SOBP: variants seen among roughly 807,000 people sequenced by gnomAD.
The protein encoded by SOBP is sine oculis binding protein homolog, also known as sine oculis-binding protein homolog.
Under a neutral mutation model 53.6 loss-of-function variants are expected in SOBP, and 4 were observed. That is an observed-to-expected ratio of 0.07 (90% CI 0.04 to 0.17). SOBP has a LOEUF of 0.17. SOBP is among the 10% of genes least tolerant of loss of function. The probability of loss-of-function intolerance (pLI) is 1.00; values close to 1 mark genes in which losing one functional copy is unlikely to be tolerated. For missense variants in SOBP, 1,088 were observed against 1,204.7 expected (o/e 0.90, Z 1.43); for synonymous variants, 584 against 522.6 (o/e 1.12, Z -1.60).
intron 3 of SOBP, among the ~76,000 whole-genome samples, chr6:107,525,661 C>G (rs1372111995): frequency 6.6e-6 from 1 of 152,222 alleles, no homozygotes; most frequent in Non-Finnish European, 1.5e-5. Flanking sequence ...TCATCTCATT[C>G]TTAAATCTGT....
chr6:107,621,507 A>C (rs953117383), intron 5 of SOBP, among the ~76,000 whole-genome samples: 1 of 152,238 alleles, frequency 6.6e-6, no homozygotes, highest in Non-Finnish European at 1.5e-5. Flanking sequence ...GCAGTCCAGC[A>C]CATCCCTCCC....
intron 5 of SOBP, among the ~76,000 whole-genome samples, chr6:107,627,811 G>T (rs879573903): frequency 1.3e-5 from 2 of 152,070 alleles, no homozygotes; most frequent in Non-Finnish European, 2.9e-5. Flanking sequence ...TCTCAATTCC[G>T]TATGGCTTTG....
chr6:107,561,623 A>T (rs971466774), intron 4 of SOBP, among the ~76,000 whole-genome samples: 21 of 152,302 alleles, frequency 1.4e-4, no homozygotes, highest in African/African-American at 5.1e-4. Flanking sequence ...GGGAGCTCTG[A>T]TATAATAAAG....
At chr6:107,574,011 G>T (rs1313375030) in intron 4 of SOBP, among the ~76,000 whole-genome samples, 1 of 152,162 alleles carries the variant, frequency 6.6e-6, no homozygotes. Context: ...TGCTCAATAA[G>T]TGGAGAACAG....
chr6:107,633,348 T>C (rs933208983), intron 5 of SOBP, among the ~76,000 whole-genome samples, 166 bp from the exon 6 acceptor site: 1 of 152,228 alleles, frequency 6.6e-6, no homozygotes, highest in Admixed American at 6.5e-5. Context: ...AGCCAACCCA[T>C]CATTTTACAA....
At chr6:107,539,680 G>A (rs141203090) in intron 4 of SOBP, among the ~76,000 whole-genome samples, 27 of 152,310 alleles carry the variant, frequency 1.8e-4, no homozygotes, top group African/African-American at 6.0e-4. Flanking sequence ...CCGACTGTCT[G>A]TTTGGGCAGT....
chr6:107,573,091 C>T (rs554375766), intron 4 of SOBP, among the ~76,000 whole-genome samples: 2 of 152,064 alleles, frequency 1.3e-5, no homozygotes, highest in South Asian at 4.2e-4. Flanking sequence ...TTTGAGGGAG[C>T]GAAATGGATA....
chr6:107,632,331 C>T (rs561995139), intron 5 of SOBP, among the ~76,000 whole-genome samples: 4 of 148,578 alleles, frequency 2.7e-5, no homozygotes, highest in Non-Finnish European at 5.9e-5. Context: ...GGCCCCCCCC[C>T]AAAAAAAAGG....
In SOBP at chr6:107,656,884, A is replaced by AT. The variant is rs79477353; in HGVS notation, c.*4-1322dup. Among the ~76,000 whole-genome samples, 85 of 152,342 alleles carry AT rather than the reference A, an allele frequency of 5.6e-4. 1 individual carries two copies. The East Asian group carries it at 0.015, about 27-fold the overall frequency. ...TTATTTGTTCATTGTTCTAAGAATA[A>AT]TCTCAACAGTTGTAAAGATGTTTAC... On this transcript the variant is annotated intron_variant, in intron 6 of 6. Coordinates refer to ENST00000317357, the MANE Select transcript of SOBP (RefSeq NM_018013.4).
At chr6:107,597,818 A>C (rs1201904471) in intron 5 of SOBP, among the ~76,000 whole-genome samples, 1 of 152,184 alleles carries the variant, frequency 6.6e-6, no homozygotes, top group East Asian at 1.9e-4. Flanking sequence ...CGAGGGATAT[A>C]TTCTCCCTGG....
intron 3 of SOBP, among the ~76,000 whole-genome samples, chr6:107,522,987 T>C (rs941648342): frequency 6.6e-6 from 1 of 151,826 alleles, no homozygotes; most frequent in South Asian, 2.1e-4. Flanking sequence ...GGAACTGAGG[T>C]GGGAAACGCA....
intron 2 of SOBP, among the ~76,000 whole-genome samples, chr6:107,505,047 T>C (rs899076717): frequency 2.0e-5 from 3 of 152,238 alleles, no homozygotes; most frequent in African/African-American, 7.2e-5. Flanking sequence ...AAGGATACGA[T>C]GCACAAAGCT....
chr6:107,653,015 G>A (rs1004502239), intron 6 of SOBP, among the ~76,000 whole-genome samples: 2 of 152,104 alleles, frequency 1.3e-5, no homozygotes, highest in African/African-American at 4.8e-5. Context: ...TTGCTTTATT[G>A]CAATGCTCAC....
chr6:107,526,392 C>A (rs1783664279), intron 3 of SOBP, among the ~76,000 whole-genome samples: 1 of 152,144 alleles, frequency 6.6e-6, no homozygotes, highest in African/African-American at 2.4e-5. Context: ...ATCTACTTTT[C>A]CCTTCACACA....
At chr6:107,631,045 G>A (rs1054365428) in intron 5 of SOBP, among the ~76,000 whole-genome samples, 6 of 152,140 alleles carry the variant, frequency 3.9e-5, no homozygotes, top group African/African-American at 1.4e-4. Flanking sequence ...AGTGAAGGAA[G>A]GGAAGGGAGA....
intron 3 of SOBP, among the ~76,000 whole-genome samples, chr6:107,513,647 A>C (rs1583160864): frequency 6.6e-6 from 1 of 152,000 alleles, no homozygotes; most frequent in Non-Finnish European, 1.5e-5. Context: ...CAACTTTTAA[A>C]ATATGATTAT....
intron 5 of SOBP, among the ~76,000 whole-genome samples, chr6:107,631,592 G>A (rs1770717177): frequency 2.6e-5 from 4 of 152,138 alleles, no homozygotes; most frequent in Admixed American, 2.6e-4. Flanking sequence ...TTTGTAAACT[G>A]GGCATCTCAA....
At chr6:107,621,803 C>T (rs1018589925) in intron 5 of SOBP, among the ~76,000 whole-genome samples, 1 of 152,116 alleles carries the variant, frequency 6.6e-6, no homozygotes, top group African/African-American at 2.4e-5. Flanking sequence ...CAGCCTGGCC[C>T]AAAAACCTCC....
In SOBP at chr6:107,506,345, C is replaced by T. The variant is rs1296663364; in HGVS notation, c.339C>T (p.Asp113=). ...TTGCCACTGGAAATGGACTCAGTGACTCACCTGCAGGGTCAAAGGATCATG... is the reference window on the plus strand; with the variant it reads ...TTGCCACTGGAAATGGACTCAGTGATTCACCTGCAGGGTCAAAGGATCATG... ...SGLATGNGLS[D]SPAGSKDHGS... is the part of the protein sequence containing the mutation. The change falls in exon 3 of 7, where the codon GAC becomes GAT. Residue 113 remains aspartate, a synonymous_variant. Coordinates refer to ENST00000317357, the MANE Select transcript of SOBP (RefSeq NM_018013.4). 7 of 1,614,062 alleles carry T rather than the reference C, an allele frequency of 4.3e-6. No homozygotes were observed. The highest frequency in any genetic ancestry group is 1.7e-5 in the Admixed American group (1 of 60,002).
Sources: gnomAD v4.1 joint callset for allele counts (sites outside exome capture counted in the v4.1 genomes callset) on GRCh38, gnomAD v4.1.1 for gene constraint, MANE v1.5 for transcripts, NCBI Gene and HGNC (gene_info 2026-07-23, HGNC 2026-07-21) for gene names.